Variants in IL17RC observed in about 807,000 individuals in gnomAD.
IL17RC encodes interleukin 17 receptor C.
Under a neutral mutation model 86.7 loss-of-function variants are expected in IL17RC, and 53 were observed. That is an observed-to-expected ratio of 0.61 (90% confidence interval 0.49 to 0.77). The LOEUF is 0.77. IL17RC is among the 30% of genes least tolerant of loss of function. The pLI, the probability that IL17RC is intolerant of heterozygous loss-of-function variation, is 0.00. For missense variants in IL17RC, 957 were observed against 940.0 expected (o/e 1.02, Z -0.24); for synonymous variants, 439 against 413.1 (o/e 1.06, Z -0.76).
chr3:9,931,470 C>CACATATATATATATATAT (rs750351615), intron 16 of IL17RC, among the ~76,000 whole-genome samples: 2 of 43,726 alleles, frequency 4.6e-5, no homozygotes, highest in Non-Finnish European at 6.4e-5. Context: ...CACACACACA[C>CACATATATATATATATAT]ATATATATAT....
intron 9 of IL17RC, among the ~76,000 whole-genome samples, chr3:9,926,646 CAG>C (rs1456736356): frequency 1.3e-5 from 2 of 150,928 alleles, no homozygotes; most frequent in African/African-American, 2.4e-5. Context: ...TTTTTTGAGA[CAG>C]AGTCTCGCTC....
At position 9,930,915 on chromosome 3, in the gene IL17RC, A is replaced by G. The variant is rs2084592129; in HGVS notation, c.1359A>G (p.Gly453=). ...TACAGCTATGGGACGATGACTTGGGAGCGCTATGGGCCTGCCCCATGGACA... is the reference window on the plus strand; with the variant it reads ...TACAGCTATGGGACGATGACTTGGGGGCGCTATGGGCCTGCCCCATGGACA... ...QCLQLWDDDL[G]ALWACPMDKY... The change falls in exon 16 of 19, where the codon GGA becomes GGG. Residue 453 remains glycine, a synonymous_variant. Coordinates refer to ENST00000403601, the MANE Select transcript of IL17RC (RefSeq NM_153460.4). The surrounding 1 kb of genome is among the most constrained non-coding windows in gnomAD (Gnocchi z 5.8). 6.8e-6 allele frequency: 11 copies of G among 1,613,908 alleles called. No homozygotes were observed. The highest frequency in any genetic ancestry group is 9.3e-6 in the Non-Finnish European group (11 of 1,179,922).
rs1188093029 is a variant in IL17RC, at chr3:9,918,380, C to T, written c.326C>T (p.Ala109Val). The change falls in exon 4 of 19, where the codon GCT becomes GTT. Residue 109 changes from alanine (A) to valine (V), a missense_variant. Coordinates refer to ENST00000403601, the MANE Select transcript of IL17RC (RefSeq NM_153460.4). ...GATGAGGAAAAGTTTGGAGGAGCAG[C>T]TGACTCAGGGGTGGAGGAGCCTAGG... The part of the protein sequence containing the change: ...PEDEEKFGGA[A>V]DSGVEEPRNA... 1.2e-6 allele frequency: 2 copies of T among 1,608,828 alleles called. No individual in the cohort carries two copies. Among genetic ancestry groups the T allele is most frequent in the South Asian group, 2.2e-5 (2 of 90,224 alleles).
chr3:9,930,221 C>T lies in IL17RC; in HGVS notation c.1278+72C>T. 3 of 1,594,144 alleles carry T rather than the reference C, an allele frequency of 1.9e-6. No individual in the cohort carries two copies. The highest frequency in any genetic ancestry group is 2.6e-6 in the Non-Finnish European group (3 of 1,165,714). ...CACATCTGGCCTCAAATTTTCACTC[C>T]ATCCACCCTGTGCCGGTCTCTGGGA... On this transcript the variant is annotated intron_variant, in intron 14 of 18. Transcript: ENST00000403601. This position sits in a 1 kb window ranked among gnomAD's most constrained non-coding sequence, Gnocchi z 5.8.
intron 2 of IL17RC, 77 bp downstream of exon 2, chr3:9,917,811 A>T: frequency 6.2e-7 from 1 of 1,607,082 alleles, no homozygotes; most frequent in South Asian, 1.1e-5. Context: ...CATGCCCTCC[A>T]TGCCCACCTC....
intron 4 of IL17RC, 30 bp from the exon 5 acceptor site, chr3:9,918,470 C>T: frequency 6.2e-7 from 1 of 1,610,264 alleles, no homozygotes; most frequent in Non-Finnish European, 8.5e-7. Context: ...CGCTCCTGGG[C>T]CTGACTGACC....
chr3:9,921,671 C>A (rs1442596436), intron 7 of IL17RC, among the ~76,000 whole-genome samples: 2 of 145,934 alleles, frequency 1.4e-5, no homozygotes, highest in Non-Finnish European at 3.0e-5. Flanking sequence ...GTCGCTCAGG[C>A]TGGAGTGCAG....
At position 9,933,550 on chromosome 3, in the gene IL17RC, G is replaced by T; in HGVS notation, c.2120G>T (p.Gly707Val). 1.2e-6 allele frequency: 2 copies of T among 1,607,372 alleles called. No individual in the cohort carries two copies. Among genetic ancestry groups the T allele is most frequent in the Non-Finnish European group, 8.5e-7 (1 of 1,177,514 alleles). The change falls in exon 19 of 19, where the codon GGG becomes GTG. Residue 707 changes from glycine (G) to valine (V), a missense_variant. Gly to Val is a moderately radical substitution (Grantham distance 109). Coordinates refer to ENST00000403601, the MANE Select transcript of IL17RC (RefSeq NM_153460.4). ...HPPGTPAPGR[G>V]VGPGAGPGAG... ...CCGGGGACTCCCGCGCCGGGACGCG[G>T]GGTGGGACCAGGCGCGGGACCTGGG... is the stretch of plus-strand genomic sequence containing the variant.
At position 9,930,944 on chromosome 3, in the gene IL17RC, G is replaced by T; in HGVS notation, c.1387+1G>T. ...CTATGGGCCTGCCCCATGGACAAAT[G>T]TGAGTATTGTAAGAACTGCCTTTCC... On this transcript the variant is annotated splice_donor_variant, in intron 16 of 18. Transcript: ENST00000403601. LOFTEE classifies it high-confidence loss of function. The surrounding 1 kb of genome is among the most constrained non-coding windows in gnomAD (Gnocchi z 5.8). 6.2e-7 allele frequency: 1 copy of T among 1,613,316 alleles called. No individual in the cohort carries two copies. The highest frequency in any genetic ancestry group is 8.5e-7 in the Non-Finnish European group (1 of 1,179,222).
At chr3:9,919,758 T>C (rs150460901) in intron 5 of IL17RC, among the ~76,000 whole-genome samples, 18 of 152,248 alleles carry the variant, frequency 1.2e-4, no homozygotes, top group African/African-American at 4.3e-4. Context: ...TAAATTTAAT[T>C]CTTTTGTAAT....
intron 1 of IL17RC, 106 bp from the exon 2 acceptor site, chr3:9,917,607 T>A: frequency 6.2e-7 from 1 of 1,613,878 alleles, no homozygotes; most frequent in Non-Finnish European, 8.5e-7. Flanking sequence ...TCTGGGAGGG[T>A]CTGGGAATAC....
At position 9,919,847 on chromosome 3, in the gene IL17RC, TG is replaced by T. The variant is rs1038416758; in HGVS notation, c.466-643del. Among the ~76,000 whole-genome samples the T allele has an allele frequency of 1.5e-4, 23 of 152,234 alleles. 1 individual carries two copies. Among genetic ancestry groups the T allele is most frequent in the African/African-American group, 5.5e-4 (23 of 41,532 alleles). Reference sequence around the variant, plus strand: ...AAATGAGGCTTGGAGAGGGGAGGTCTGTGGGCTGGATGCACTTCTCTGTACT... The same window carrying T: ...AAATGAGGCTTGGAGAGGGGAGGTCTTGGGCTGGATGCACTTCTCTGTACT... On this transcript the variant is annotated intron_variant, in intron 5 of 18. Transcript: ENST00000403601.
intron 7 of IL17RC, among the ~76,000 whole-genome samples, chr3:9,922,955 C>T (rs996674511): frequency 6.7e-6 from 1 of 149,622 alleles, no homozygotes; most frequent in Non-Finnish European, 1.5e-5. Flanking sequence ...GCTGGCGGAT[C>T]ACGAGGTCAG....
chr3:9,933,562 GC>G lies in IL17RC; in HGVS notation c.2133del (p.Ala712ArgfsTer11). ...GCGCCGGGACGCGGGGTGGGACCAG[GC>G]GCGGGACCTGGGGCGGGGGACGGGA... The part of the protein sequence containing the change: ...TPAPGRGVGP[G>X]AGPGAGDGT On this transcript the variant is annotated frameshift_variant, in exon 19 of 19. Coordinates refer to ENST00000403601, the MANE Select transcript of IL17RC (RefSeq NM_153460.4). LOFTEE classifies it low-confidence loss of function (END_TRUNC). 2 of 1,605,770 alleles carry G rather than the reference GC, an allele frequency of 1.2e-6. No individual in the cohort carries two copies. The highest frequency in any genetic ancestry group is 1.7e-6 in the Non-Finnish European group (2 of 1,176,468).
chr3:9,928,881 T>C, intron 12 of IL17RC: 1 of 516,538 alleles, frequency 1.9e-6, no homozygotes. Flanking sequence ...GACAATGAAA[T>C]AAGAGAAGTG....
At chr3:9,923,456 G>C (rs2083760410) in intron 7 of IL17RC, among the ~76,000 whole-genome samples, 1 of 151,916 alleles carries the variant, frequency 6.6e-6, no homozygotes, top group African/African-American at 2.4e-5. Flanking sequence ...GGGTGGCTGA[G>C]GCAAGAGAAT....
At position 9,917,913 on chromosome 3, in the gene IL17RC, C is replaced by G. The variant is rs775241631; in HGVS notation, c.128-10C>G. 5 of 1,613,070 alleles carry G rather than the reference C, an allele frequency of 3.1e-6. No individual in the cohort carries two copies. The highest frequency in any genetic ancestry group is 3.4e-6 in the Non-Finnish European group (4 of 1,180,034). Reference sequence around the variant, plus strand: ...ACAGCTTCAGCTCCCACCCGCTCCTCCACACACAGACAGTGACATACTCTG... The same window carrying G: ...ACAGCTTCAGCTCCCACCCGCTCCTGCACACACAGACAGTGACATACTCTG... On this transcript the variant is annotated splice_polypyrimidine_tract_variant and intron_variant, in intron 2 of 18. Transcript: ENST00000403601.
rs761428636 is a variant in IL17RC at position 9,933,134 on chromosome 3, C to A, written c.1704C>A (p.Arg568=). The change falls in exon 19 of 19, where the codon CGC becomes CGA. Residue 568 remains arginine (R), a synonymous_variant. Transcript: ENST00000403601. The part of the protein sequence containing the change: ...GPVAWFHAQR[R]QTLQEGGVVV... ...TGGCTTGGTTTCACGCGCAGCGGCG[C>A]CAGACCCTGCAGGAGGGCGGCGTGG... The A allele has an allele frequency of 1.3e-6, 2 of 1,595,184 alleles. No homozygotes were observed. The highest frequency in any genetic ancestry group is 2.3e-5 in the South Asian group (2 of 88,724).
intron 7 of IL17RC, among the ~76,000 whole-genome samples, chr3:9,923,471 T>G (rs1200094459): frequency 6.6e-6 from 1 of 150,930 alleles, no homozygotes; most frequent in Non-Finnish European, 1.5e-5. Context: ...GAGAATCGCT[T>G]GAACCCAGGA....
Sources: allele counts gnomAD v4.1 joint callset (sites outside exome capture counted in the v4.1 genomes callset), GRCh38; gene constraint gnomAD v4.1.1; non-coding constraint Gnocchi (gnomAD v3.1); transcripts MANE v1.5; gene names NCBI Gene and HGNC (gene_info 2026-07-23, HGNC 2026-07-21).